Variants in KCNAB1 observed in about 807,000 individuals in gnomAD.
The protein encoded by KCNAB1 is potassium voltage-gated channel subfamily A regulatory beta subunit 1.
A neutral mutation model predicts 64.6 loss-of-function variants in KCNAB1; 35 were observed. The observed-to-expected ratio is 0.54, with a 90% CI of 0.41 to 0.72. The LOEUF is 0.72. Ranked by LOEUF, KCNAB1 falls within the 30% of genes least tolerant of loss-of-function variation. KCNAB1 has a pLI of 0.00. For missense variants in KCNAB1, 401 were observed against 512.9 expected (o/e 0.78, Z 2.11); for synonymous variants, 177 against 183.8 (o/e 0.96, Z 0.30).
intron 1 of KCNAB1, among the ~76,000 whole-genome samples, chr3:156,414,061 TC>T (rs1714880719): frequency 6.6e-6 from 1 of 152,214 alleles, no homozygotes; most frequent in Non-Finnish European, 1.5e-5. Flanking sequence ...ACCCTCCTCC[TC>T]AGTCAGGCTC....
chr3:156,527,241 T>A (rs749607958), intron 12 of KCNAB1, among the ~76,000 whole-genome samples: 33 of 152,210 alleles, frequency 2.2e-4, no homozygotes, highest in Non-Finnish European at 4.4e-5. Context: ...CACAGGCAAG[T>A]TACTTAACCT....
chr3:156,363,556 A>G (rs911947929), intron 1 of KCNAB1, among the ~76,000 whole-genome samples: 35 of 151,708 alleles, frequency 2.3e-4, no homozygotes, highest in African/African-American at 8.2e-4. Context: ...GCTCACTGCA[A>G]CCTCTGCCTC....
At chr3:156,302,227 T>C (rs369232835) in intron 1 of KCNAB1, among the ~76,000 whole-genome samples, 12 of 152,186 alleles carry the variant, frequency 7.9e-5, no homozygotes, top group African/African-American at 2.9e-4. Context: ...ACTGCTGTGA[T>C]AACATCGAGC....
At chr3:156,275,932 T>A (rs1045813988) in intron 1 of KCNAB1, among the ~76,000 whole-genome samples, 1 of 152,146 alleles carries the variant, frequency 6.6e-6, no homozygotes, top group Admixed American at 6.5e-5. Context: ...AAATCACAAA[T>A]GTTCTTAATG....
At chr3:156,321,023 C>A (rs557590537) in intron 1 of KCNAB1, among the ~76,000 whole-genome samples, 6 of 152,016 alleles carry the variant, frequency 3.9e-5, no homozygotes, top group Non-Finnish European at 7.4e-5. Flanking sequence ...AGACAAAACT[C>A]CAATATTATT....
chr3:156,260,255 T>C (rs1440619468), intron 1 of KCNAB1, among the ~76,000 whole-genome samples: 1 of 152,212 alleles, frequency 6.6e-6, no homozygotes, highest in Non-Finnish European at 1.5e-5. Flanking sequence ...GTTGTGTTTT[T>C]TAAAAACAGT....
chr3:156,362,977 G>A (rs1725707253), intron 1 of KCNAB1, among the ~76,000 whole-genome samples: 1 of 152,232 alleles, frequency 6.6e-6, no homozygotes, highest in African/African-American at 2.4e-5. Flanking sequence ...TGGCCATGTG[G>A]AGAAGGGAGT....
At chr3:156,173,402 C>T (rs1429065947) in intron 1 of KCNAB1, among the ~76,000 whole-genome samples, 2 of 152,134 alleles carry the variant, frequency 1.3e-5, no homozygotes, top group East Asian at 3.8e-4. Flanking sequence ...TGAAACTCTT[C>T]CTAGTTTTAA....
chr3:156,501,158 C>T (rs1300246369), intron 8 of KCNAB1, among the ~76,000 whole-genome samples: 1 of 152,180 alleles, frequency 6.6e-6, no homozygotes, highest in Non-Finnish European at 1.5e-5. Context: ...TAGTCAGCTT[C>T]CATTCTCCTC....
At chr3:156,459,724 G>A in intron 4 of KCNAB1, 103 bp from the exon 5 acceptor site, 1 of 794,296 alleles carries the variant, frequency 1.3e-6, no homozygotes, top group Non-Finnish European at 2.1e-6. Context: ...TTCGGGATAT[G>A]TAGGCACTGA....
intron 1 of KCNAB1, among the ~76,000 whole-genome samples, chr3:156,272,245 A>G (rs1433541885): frequency 6.6e-6 from 1 of 152,210 alleles, no homozygotes; most frequent in African/African-American, 2.4e-5. Context: ...AGGCTGTACA[A>G]TCAATTGGTG....
chr3:156,167,274 G>A (rs560378731), intron 1 of KCNAB1, among the ~76,000 whole-genome samples: 9 of 152,280 alleles, frequency 5.9e-5, no homozygotes, highest in Middle Eastern at 3.4e-3. Flanking sequence ...AGACGGTGGC[G>A]TGTGAGACTT....
intron 12 of KCNAB1, among the ~76,000 whole-genome samples, chr3:156,528,660 G>T (rs1718490659): frequency 1.3e-5 from 2 of 152,126 alleles, no homozygotes; most frequent in Non-Finnish European, 2.9e-5. Context: ...AAGGCAAAAG[G>T]ACATTCCAGG....
intron 1 of KCNAB1, among the ~76,000 whole-genome samples, chr3:156,271,084 T>A (rs1460388254): frequency 6.6e-6 from 1 of 152,170 alleles, no homozygotes; most frequent in Admixed American, 6.5e-5. Context: ...ATGTTATTTG[T>A]TTCTTTTCTC....
chr3:156,200,069 A>T (rs897125552), intron 1 of KCNAB1, among the ~76,000 whole-genome samples: 1 of 152,192 alleles, frequency 6.6e-6, no homozygotes, highest in African/African-American at 2.4e-5. Flanking sequence ...TCCTTCTAAC[A>T]GTCAAGACCC....
chr3:156,135,314 CCCCCATTTTTTTT>C (rs1244643930), intron 1 of KCNAB1, among the ~76,000 whole-genome samples: 1 of 151,834 alleles, frequency 6.6e-6, no homozygotes, highest in Non-Finnish European at 1.5e-5. Flanking sequence ...GCTTTTTTTT[CCCCCATTTTTTTT>C]CCCCAGAGGA....
intron 1 of KCNAB1, among the ~76,000 whole-genome samples, chr3:156,278,625 A>C (rs895497352): frequency 6.6e-6 from 1 of 152,220 alleles, no homozygotes; most frequent in Non-Finnish European, 1.5e-5. Flanking sequence ...TTTAGAAATC[A>C]TCATAGTTCA....
chr3:156,188,087 G>A (rs1344904386), intron 1 of KCNAB1, among the ~76,000 whole-genome samples: 1 of 152,140 alleles, frequency 6.6e-6, no homozygotes, highest in Non-Finnish European at 1.5e-5. Context: ...CCCTCAGAGA[G>A]CATTCTCACG....
At chr3:156,341,912 T>C (rs147597655) in intron 1 of KCNAB1, among the ~76,000 whole-genome samples, 2 of 152,280 alleles carry the variant, frequency 1.3e-5, no homozygotes, top group African/African-American at 4.8e-5. Context: ...ACATTTAAAA[T>C]AGATTTCATG....
Sources: gnomAD v4.1 joint callset for allele counts (sites outside exome capture counted in the v4.1 genomes callset) on GRCh38, gnomAD v4.1.1 for gene constraint, MANE v1.5 for transcripts, NCBI Gene and HGNC (gene_info 2026-07-23, HGNC 2026-07-21) for gene names.